RBFOX1: variants seen among roughly 807,000 people sequenced by gnomAD.
RBFOX1 encodes the protein RNA binding protein fox-1 homolog 1.
RBFOX1 carries 8 observed loss-of-function variants against 57.7 expected under a neutral mutation model. That is an observed-to-expected ratio of 0.14 (90% CI 0.08 to 0.25). The LOEUF is 0.25. Among genes scored for constraint, RBFOX1 ranks in the 10% least tolerant of loss-of-function variants. RBFOX1 has a pLI of 1.00. For missense variants in RBFOX1, 611 were observed against 548.5 expected, an observed-to-expected ratio of 1.11 and a Z score of -1.14; for synonymous variants, 326 against 222.4, an observed-to-expected ratio of 1.47 and a Z score of -4.15.
At chr16:5,765,760 C>T (rs2053755084) in intron 3 of RBFOX1, among the ~76,000 whole-genome samples, 2 of 152,222 alleles carry the variant, frequency 1.3e-5, no homozygotes, top group Admixed American at 6.5e-5. Flanking sequence ...TTTGAGTTTA[C>T]AGCCTTTGGA....
intron 4 of RBFOX1, among the ~76,000 whole-genome samples, chr16:5,898,919 C>T (rs910990757): frequency 1.3e-5 from 2 of 150,224 alleles, no homozygotes; most frequent in African/African-American, 2.5e-5. Flanking sequence ...AAAAAGTAGC[C>T]GGGTGTGGTG....
intron 4 of RBFOX1, among the ~76,000 whole-genome samples, chr16:7,121,426 G>A (rs1335147989): frequency 6.6e-6 from 1 of 151,952 alleles, no homozygotes; most frequent in African/African-American, 2.4e-5. Context: ...TATATACTAG[G>A]AAAGAACATT....
intron 4 of RBFOX1, among the ~76,000 whole-genome samples, chr16:7,223,574 G>A (rs568023678): frequency 6.6e-6 from 1 of 152,240 alleles, no homozygotes; most frequent in African/African-American, 2.4e-5. Context: ...TAATTGTGCA[G>A]GAGATCCAAC....
intron 2 of RBFOX1, among the ~76,000 whole-genome samples, chr16:6,630,488 C>G (rs140471255): frequency 1.1e-4 from 17 of 152,230 alleles, no homozygotes; most frequent in African/African-American, 3.6e-4. Flanking sequence ...TTAAAATTTC[C>G]TTCTAACATG....
chr16:6,417,707 T>TTA (rs1555463886), intron 2 of RBFOX1, among the ~76,000 whole-genome samples: 5 of 146,626 alleles, frequency 3.4e-5, no homozygotes, highest in African/African-American at 1.0e-4. Flanking sequence ...CCTTTCTTTT[T>TTA]AAAAAAAAAA....
chr16:5,907,169 A>T (rs2058479377), intron 4 of RBFOX1, among the ~76,000 whole-genome samples: 1 of 152,028 alleles, frequency 6.6e-6, no homozygotes, highest in African/African-American at 2.4e-5. Flanking sequence ...CAGATTGTTG[A>T]CCTGCTGTGG....
chr16:6,155,138 C>A (rs1020474574), intron 1 of RBFOX1, among the ~76,000 whole-genome samples: 20 of 152,070 alleles, frequency 1.3e-4, no homozygotes, highest in African/African-American at 4.8e-4. Flanking sequence ...GAATAAAATC[C>A]ATTGTACATA....
intron 3 of RBFOX1, among the ~76,000 whole-genome samples, chr16:5,708,486 C>G (rs914124951): frequency 1.3e-5 from 2 of 152,156 alleles, no homozygotes. Flanking sequence ...GTAGATCCAC[C>G]TGCGTCCAGC....
chr16:7,005,395 A>C (rs1344992870), intron 3 of RBFOX1, among the ~76,000 whole-genome samples: 3 of 152,188 alleles, frequency 2.0e-5, no homozygotes, highest in African/African-American at 7.2e-5. Context: ...GAAACATCCC[A>C]ATACAGTCAG....
chr16:5,467,165 C>G (rs2068976962), intron 1 of RBFOX1: 2 of 1,372,418 alleles, frequency 1.5e-6, no homozygotes, highest in Admixed American at 4.7e-5. Context: ...AATGTAGACT[C>G]AATGTTTCTT....
At chr16:5,321,324 TTG>T (rs202246235) in intron 1 of RBFOX1, among the ~76,000 whole-genome samples, 5,010 of 64,346 alleles carry the variant, frequency 0.078, 99 homozygotes, top group Non-Finnish European at 0.097. Context: ...GAGATAACTT[TTG>T]TTTTTTTTTT....
intron 4 of RBFOX1, among the ~76,000 whole-genome samples, chr16:5,931,077 G>A (rs1333697922): frequency 6.6e-6 from 1 of 152,078 alleles, no homozygotes; most frequent in Non-Finnish European, 1.5e-5. Flanking sequence ...GGCTCAGTAG[G>A]ACCAAAAAGC....
At chr16:6,809,790 C>A (rs530678391) in intron 3 of RBFOX1, among the ~76,000 whole-genome samples, 74 of 127,404 alleles carry the variant, frequency 5.8e-4, no homozygotes, top group African/African-American at 2.0e-3. Flanking sequence ...TTAAAAAACA[C>A]TTCAGCTGCC....
intron 3 of RBFOX1, among the ~76,000 whole-genome samples, chr16:6,997,707 G>T (rs1439216424): frequency 6.6e-6 from 1 of 152,128 alleles, no homozygotes; most frequent in African/African-American, 2.4e-5. Context: ...TTTGGTTAAT[G>T]ATTAGTATAA....
intron 4 of RBFOX1, among the ~76,000 whole-genome samples, chr16:7,500,926 A>G (rs556366199): frequency 1.3e-5 from 2 of 152,242 alleles, no homozygotes; most frequent in African/African-American, 4.8e-5. Context: ...GTGACTTCTC[A>G]TGAGATCTGA....
intron 4 of RBFOX1, among the ~76,000 whole-genome samples, chr16:5,971,894 T>A (rs147997624): frequency 2.8e-3 from 429 of 152,350 alleles, no homozygotes; most frequent in African/African-American, 9.5e-3. Context: ...TGGCTCCATG[T>A]AATGTGGGTG....
At chr16:5,870,996 T>A (rs2057455669) in intron 4 of RBFOX1, among the ~76,000 whole-genome samples, 1 of 152,178 alleles carries the variant, frequency 6.6e-6, no homozygotes, top group Admixed American at 6.5e-5. Context: ...AATGAGTGGC[T>A]TTGCCAGTTC....
At chr16:6,857,308 C>T (rs1235561798) in intron 3 of RBFOX1, among the ~76,000 whole-genome samples, 1 of 152,102 alleles carries the variant, frequency 6.6e-6, no homozygotes, top group Non-Finnish European at 1.5e-5. Flanking sequence ...GAAGTCAACA[C>T]CTTTACTGAA....
At chr16:6,659,641 C>A (rs955484944) in intron 3 of RBFOX1, among the ~76,000 whole-genome samples, 1 of 152,018 alleles carries the variant, frequency 6.6e-6, no homozygotes, top group South Asian at 2.1e-4. Flanking sequence ...CAGAGTCTGT[C>A]CTCTTAGTTT....
Sources: gnomAD v4.1 joint callset for allele counts (sites outside exome capture counted in the v4.1 genomes callset) on GRCh38, gnomAD v4.1.1 for gene constraint, MANE v1.5 for transcripts, NCBI Gene and HGNC (gene_info 2026-07-23, HGNC 2026-07-21) for gene names.